The following RARS2 variants were observed in gnomAD, a reference collection of about 807,000 sequenced individuals.
The protein encoded by RARS2 is probable arginine--tRNA ligase, mitochondrial.
Under a neutral mutation model 88.5 loss-of-function variants are expected in RARS2, and 67 were observed. The observed-to-expected ratio is 0.76, with a 90% CI of 0.62 to 0.93. The LOEUF is 0.93. RARS2 is among the 40% of genes least tolerant of loss of function. RARS2 has a pLI of 0.00. For missense variants in RARS2, 664 were observed against 684.2 expected, an observed-to-expected ratio of 0.97 and a Z score of 0.33; for synonymous variants, 239 against 230.3, an observed-to-expected ratio of 1.04 and a Z score of -0.34.
At chr6:87,539,239 T>C (rs1780147092) in intron 8 of RARS2, among the ~76,000 whole-genome samples, 1 of 152,202 alleles carries the variant, frequency 6.6e-6, no homozygotes, top group Non-Finnish European at 1.5e-5. Context: ...TTGTATTTTC[T>C]GCAACATGGG....
rs565347427 is a variant in RARS2 at position 87,562,926 on chromosome 6, A to T, written c.214-141T>A. 1.1e-4 allele frequency: 77 copies of T among 700,318 alleles called. 1 individual carries two copies. The South Asian group carries it at 1.1e-3, about 10-fold the overall frequency. The allele number at this position is 700,318 out of a possible 1,614,324, so 43.4% of individuals were successfully genotyped here. On this transcript the variant is annotated intron_variant, in intron 3 of 19. Transcript: ENST00000369536. ...CTATATCGGGTCCCAGTTCTCAGGC[A>T]ATCTCTTTAGTTCCATACTTCTATT...
intron 1 of RARS2, among the ~76,000 whole-genome samples, chr6:87,588,625 T>C (rs1441936616): frequency 2.0e-5 from 3 of 152,346 alleles, no homozygotes; most frequent in African/African-American, 2.4e-5. Flanking sequence ...TCCTCCCACC[T>C]TGGCCTCCCA....
intron 1 of RARS2, among the ~76,000 whole-genome samples, chr6:87,585,711 G>T (rs1021319302): frequency 6.6e-6 from 1 of 151,370 alleles, no homozygotes; most frequent in African/African-American, 2.4e-5. Flanking sequence ...TAGCCCGGAC[G>T]ACTGAGCAAG....
chr6:87,531,979 T>G (rs761375424), intron 8 of RARS2, among the ~76,000 whole-genome samples: 1 of 152,150 alleles, frequency 6.6e-6, no homozygotes, highest in Non-Finnish European at 1.5e-5. Flanking sequence ...ATAAGGCTTC[T>G]AAACCCTTAC....
At position 87,576,095 on chromosome 6, in the gene RARS2, C is replaced by CGGCCAACACA. The variant is rs1272053470; in HGVS notation, c.37-6506_37-6505insTGTGTTGGCC. Among the ~76,000 whole-genome samples, 135 of 124,696 alleles carry CGGCCAACACA rather than the reference C, an allele frequency of 1.1e-3. 1 individual carries two copies. The highest frequency in any genetic ancestry group is 1.4e-3 in the African/African-American group (47 of 33,792). 81.8% of individuals were successfully genotyped at this position (124,696 alleles called of 152,430 possible). On this transcript the variant is annotated intron_variant, in intron 1 of 19. Coordinates refer to ENST00000369536, the MANE Select transcript of RARS2 (RefSeq NM_020320.5). Reference sequence around the variant, plus strand: ...GATTACAGGCGTGAGCCAATGCGCCCAGCTGGATAAGTCTTCTTTAAAAAT... The same window carrying CGGCCAACACA: ...GATTACAGGCGTGAGCCAATGCGCCCGGCCAACACAAGCTGGATAAGTCTTCTTTAAAAAT...
chr6:87,567,088 C>A (rs1768153690), intron 2 of RARS2, among the ~76,000 whole-genome samples: 1 of 151,932 alleles, frequency 6.6e-6, no homozygotes, highest in East Asian at 1.9e-4. Context: ...CCCGTCTCTA[C>A]TAAAAATACA....
rs761568260 is a variant in RARS2 at position 87,548,617 on chromosome 6, A to G, written c.425T>C (p.Val142Ala). 51 of 1,613,210 alleles carry G rather than the reference A, an allele frequency of 3.2e-5. No individual in the cohort carries two copies. Among genetic ancestry groups the G allele is most frequent in the Admixed American group, 2.2e-4 (13 of 59,960 alleles). The stretch of plus-strand genomic sequence containing the variant: ...TATGATGGTAGAACGCAAATGTCCA[A>G]CATGAAATTTTTTGGCAACATTAGG... The part of the protein sequence containing the change: ...SSPNVAKKFH[V>A]GHLRSTIIGN... The change falls in exon 6 of 20, where the codon GTT becomes GCT. Residue 142 changes from valine (V) to alanine (A), a missense_variant. Physicochemically the swap from Val to Ala is moderately conservative, Grantham distance 64. Coordinates refer to ENST00000369536, the MANE Select transcript of RARS2 (RefSeq NM_020320.5).
intron 1 of RARS2, among the ~76,000 whole-genome samples, chr6:87,570,211 G>T (rs1300777744): frequency 1.3e-5 from 2 of 152,170 alleles, no homozygotes; most frequent in African/African-American, 4.8e-5. Context: ...TCGCTATGTT[G>T]CCCAGGCTGG....
rs1159546529 is a variant in RARS2 at position 87,514,104 on chromosome 6, G to C, written c.*309C>G. Reference sequence around the variant, plus strand: ...AGGCAGACAGATAACCTGAGGTCGGGAGTGCAAGACCAGCCTGACCAACAT... The same window carrying C: ...AGGCAGACAGATAACCTGAGGTCGGCAGTGCAAGACCAGCCTGACCAACAT... On this transcript the variant is annotated 3_prime_UTR_variant, in exon 20 of 20. Coordinates refer to ENST00000369536, the MANE Select transcript of RARS2 (RefSeq NM_020320.5). 1.3e-5 allele frequency among the ~76,000 whole-genome samples: 2 copies of C among 152,166 alleles called. No homozygotes were observed. Among genetic ancestry groups the C allele is most frequent in the South Asian group, 2.1e-4 (1 of 4,832 alleles).
intron 5 of RARS2, among the ~76,000 whole-genome samples, chr6:87,550,920 ATACCCACAGAGGAAACTG>A (rs1209154913): frequency 3.3e-5 from 5 of 152,092 alleles, no homozygotes; most frequent in Admixed American, 2.6e-4. Context: ...GGATTAATAG[ATACCCACAGAGGAAACTG>A]AGATGGGGAA....
chr6:87,551,558 A>T (rs1427147849), intron 5 of RARS2, among the ~76,000 whole-genome samples: 2 of 139,748 alleles, frequency 1.4e-5, no homozygotes, highest in Admixed American at 8.0e-5. Flanking sequence ...TGAACCGGGG[A>T]GGCAGAGGCT....
chr6:87,515,080 G>A, intron 18 of RARS2, 60 bp from the exon 19 acceptor site: 4 of 1,244,898 alleles, frequency 3.2e-6, no homozygotes, highest in Non-Finnish European at 4.7e-6. Flanking sequence ...TGTAAGATAT[G>A]AGCTTGATAT....
chr6:87,522,614 A>AT (rs1257114543), intron 11 of RARS2, among the ~76,000 whole-genome samples: 2 of 152,186 alleles, frequency 1.3e-5, no homozygotes, highest in Admixed American at 6.5e-5. Flanking sequence ...TGATCCTGAC[A>AT]TTGCACAGAG....
chr6:87,559,120 G>T (rs1159612933), intron 4 of RARS2, among the ~76,000 whole-genome samples: 1 of 151,990 alleles, frequency 6.6e-6, no homozygotes, highest in African/African-American at 2.4e-5. Context: ...ATATATTTTT[G>T]TACAATTGTA....
Position 87,515,030 on chromosome 6 carries a change from G to C in RARS2, c.1587-10C>G, listed in dbSNP as rs531179961. The stretch of plus-strand genomic sequence containing the variant: ...CACAGCTGCAAGATGACTGAAACAG[G>C]AAGAGAGAAATCACGATAGTACCAG... On this transcript the variant is annotated splice_polypyrimidine_tract_variant and intron_variant, in intron 18 of 19. Transcript: ENST00000369536. 1.8e-5 allele frequency: 29 copies of C among 1,607,236 alleles called. 1 individual carries two copies. The South Asian group carries it at 3.0e-4, about 16-fold the overall frequency.
chr6:87,520,203 G>A lies in RARS2; in HGVS notation c.1089C>T (p.Ile363=), dbSNP rs1190945388. ...HFQQVFQMLK[I]MGYDWAERCQ... ...ACCTTTCTGCCCAGTCATATCCCAT[G>A]ATCTTCAGCATTTGGAATACTTGCT... Residue 363 remains isoleucine, a synonymous_variant, in exon 13 of 20, where the codon ATC becomes ATT. Transcript: ENST00000369536. 6.2e-7 allele frequency: 1 copy of A among 1,613,416 alleles called. No individual in the cohort carries two copies. Among genetic ancestry groups the A allele is most frequent in the Middle Eastern group, 1.7e-4 (1 of 6,060 alleles).
chr6:87,564,474 T>G, intron 2 of RARS2: 1 of 466,098 alleles, frequency 2.1e-6, no homozygotes, highest in Non-Finnish European at 3.9e-6. Flanking sequence ...CCTGGCCACA[T>G]GGTAAAACCC....
At chr6:87,555,739 A>G (rs1284117868) in intron 4 of RARS2, among the ~76,000 whole-genome samples, 1 of 152,176 alleles carries the variant, frequency 6.6e-6, no homozygotes, top group Non-Finnish European at 1.5e-5. Context: ...CTCCATGTCT[A>G]TTCATTCTTA....
intron 1 of RARS2, among the ~76,000 whole-genome samples, chr6:87,578,110 C>T (rs4132446): frequency 8.9e-5 from 13 of 145,906 alleles, no homozygotes; most frequent in African/African-American, 5.2e-5. Flanking sequence ...TAGCGAGACC[C>T]CCCCCCCCGC....
Sources: gnomAD v4.1 joint callset for allele counts (sites outside exome capture counted in the v4.1 genomes callset) on GRCh38, gnomAD v4.1.1 for gene constraint, MANE v1.5 for transcripts, NCBI Gene and HGNC (gene_info 2026-07-23, HGNC 2026-07-21) for gene names.